EP400: variants seen among roughly 807,000 people sequenced by gnomAD.
EP400 encodes the protein E1A-binding protein p400.
Under a neutral mutation model 354.1 loss-of-function variants are expected in EP400, and 105 were observed. The observed-to-expected ratio is 0.30, with a 90% CI of 0.25 to 0.35. EP400 has a LOEUF of 0.35. EP400 is among the 10% of genes least tolerant of loss of function. The probability of loss-of-function intolerance (pLI) is 1.00; values close to 1 mark genes in which losing one functional copy is unlikely to be tolerated. For synonymous variants in EP400, 1,646 were observed against 1,716.9 expected (o/e 0.96, Z 1.02); for missense variants, 3,280 against 4,121.0 (o/e 0.80, Z 5.59).
chr12:132,021,784 C>A (rs1235368538), intron 23 of EP400, among the ~76,000 whole-genome samples: 3 of 152,168 alleles, frequency 2.0e-5, no homozygotes, highest in African/African-American at 7.2e-5. Flanking sequence ...TCGCCTGTTA[C>A]CAAATTTAAA....
intron 14 of EP400, 119 bp downstream of exon 14, chr12:132,006,421 C>A (rs1296550604): frequency 1.6e-6 from 2 of 1,236,554 alleles, no homozygotes; most frequent in African/African-American, 1.5e-5. Flanking sequence ...GCAGAGTTGT[C>A]AGAAAAAGCA....
chr12:131,966,683 C>T (rs976818716), intron 2 of EP400, among the ~76,000 whole-genome samples: 4 of 150,608 alleles, frequency 2.7e-5, no homozygotes, highest in African/African-American at 9.8e-5. Context: ...GCAGGCAGAT[C>T]ACCTGAGGTC....
At chr12:132,004,851 C>T (rs144774486) in intron 12 of EP400, among the ~76,000 whole-genome samples, 278 of 152,224 alleles carry the variant, frequency 1.8e-3, no homozygotes, top group Middle Eastern at 6.8e-3. Flanking sequence ...ATATTTTACA[C>T]CTTTTATCAG....
chr12:132,024,676 G>GCAGCCTCC (rs1411278527), intron 24 of EP400, among the ~76,000 whole-genome samples: 8 of 148,682 alleles, frequency 5.4e-5, no homozygotes, highest in Admixed American at 3.4e-4. Flanking sequence ...AGCAGCCCCC[G>GCAGCCTCC]CAGCCTCCTT....
chr12:132,037,453 A>G (rs1046481386), intron 30 of EP400, among the ~76,000 whole-genome samples: 2 of 152,214 alleles, frequency 1.3e-5, no homozygotes, highest in African/African-American at 4.8e-5. Flanking sequence ...GAGGTGGCAC[A>G]GCGAAGAGTC....
intron 2 of EP400, among the ~76,000 whole-genome samples, chr12:131,964,580 A>G (rs1258118316): frequency 6.6e-6 from 1 of 152,210 alleles, no homozygotes; most frequent in African/African-American, 2.4e-5. Context: ...TTTTGTTGTT[A>G]CTTTAAATTT....
At chr12:132,044,758 C>T (rs57637965) in intron 36 of EP400, 42 bp from the exon 37 acceptor site, 2 of 1,614,190 alleles carry the variant, frequency 1.2e-6, no homozygotes, top group African/African-American at 1.3e-5. Flanking sequence ...GGGCAGCTTC[C>T]TGTGAGTTCC....
In EP400 at chr12:131,982,235, C is replaced by A. The variant is rs1892705297; in HGVS notation, c.1686C>A (p.Pro562=). 13 of 1,613,950 alleles carry A rather than the reference C, an allele frequency of 8.1e-6. No individual in the cohort carries two copies. Among genetic ancestry groups the A allele is most frequent in the Non-Finnish European group, 1.1e-5 (13 of 1,180,000 alleles). Residue 562 remains proline, a synonymous_variant, in exon 5 of 53, where the codon CCC becomes CCA. Transcript: ENST00000389561. ...TGCCGCAGCTGCCCGGGAGGCTGCC[C>A]CCAGCCGGTGTTCCCACTGCAGCCC... ...TPLPQLPGRL[P]PAGVPTAALS...
intron 51 of EP400, among the ~76,000 whole-genome samples, chr12:132,073,571 A>C (rs1045721715): frequency 2.7e-4 from 40 of 150,342 alleles, no homozygotes; most frequent in African/African-American, 9.7e-4. Flanking sequence ...CTCCTGCCTC[A>C]GCCTCCTGAG....
chr12:131,971,391 A>G (rs1284476575), intron 2 of EP400, among the ~76,000 whole-genome samples: 1 of 152,158 alleles, frequency 6.6e-6, no homozygotes, highest in Non-Finnish European at 1.5e-5. Flanking sequence ...GTTGCTGGGC[A>G]CTTAGGTTGT....
intron 12 of EP400, among the ~76,000 whole-genome samples, chr12:131,999,137 G>A (rs1893321721): frequency 6.6e-6 from 1 of 151,852 alleles, no homozygotes; most frequent in Admixed American, 6.6e-5. Context: ...ATAACTGCAT[G>A]GTTCAAACCT....
chr12:131,991,215 G>A (rs987896873), intron 9 of EP400, among the ~76,000 whole-genome samples, 192 bp from the exon 10 acceptor site: 2 of 152,232 alleles, frequency 1.3e-5, no homozygotes, highest in Admixed American at 6.5e-5. Context: ...AGAGGTGGCT[G>A]CTGCTGAAAG....
intron 2 of EP400, among the ~76,000 whole-genome samples, chr12:131,964,236 G>T (rs1891999408): frequency 6.6e-6 from 1 of 152,138 alleles, no homozygotes; most frequent in African/African-American, 2.4e-5. Flanking sequence ...GGAGACTGAG[G>T]TGCATGGATC....
rs2136540047 is a variant in EP400 at position 132,018,731 on chromosome 12, C to T, written c.4277+355C>T. Reference sequence around the variant, plus strand: ...TGTGGCAGGCAGAGGACTCCACCCCCACGGTGATGTCATTGTCTTAACAAG... The same window carrying T: ...TGTGGCAGGCAGAGGACTCCACCCCTACGGTGATGTCATTGTCTTAACAAG... On this transcript the variant is annotated intron_variant, in intron 21 of 52. Transcript: ENST00000389561. This position sits in a 1 kb window ranked among gnomAD's most constrained non-coding sequence, Gnocchi z 4.0. 6.6e-6 allele frequency among the ~76,000 whole-genome samples: 1 copy of T among 152,280 alleles called. No individual in the cohort carries two copies. The highest frequency in any genetic ancestry group is 1.9e-4 in the East Asian group (1 of 5,188).
Position 132,038,224 on chromosome 12 carries a change from G to A in EP400, c.6207+128G>A. The A allele has an allele frequency of 8.2e-7, 1 of 1,215,524 alleles. No homozygotes were observed. Among genetic ancestry groups the A allele is most frequent in the Non-Finnish European group, 1.1e-6 (1 of 880,540 alleles). The allele number at this position is 1,215,524 out of a possible 1,614,324, so 75.3% of individuals were successfully genotyped here. ...GGCCTGAAGCCCTCTTCCCGTCCCT[G>A]CTTTTGGAACCTCCCCACTCCCTTC... is the stretch of plus-strand genomic sequence containing the variant. On this transcript the variant is annotated intron_variant, in intron 32 of 52. Transcript: ENST00000389561. The surrounding 1 kb of genome is among the most constrained non-coding windows in gnomAD (Gnocchi z 4.2).
At chr12:132,034,331 G>A (rs1466509041) in intron 30 of EP400, among the ~76,000 whole-genome samples, 1 of 152,260 alleles carries the variant, frequency 6.6e-6, no homozygotes, top group Non-Finnish European at 1.5e-5. Context: ...AGGATGGGCT[G>A]TGCCAAGTGT....
At position 132,020,192 on chromosome 12, in the gene EP400, C is replaced by T. The variant is rs201077052; in HGVS notation, c.4421C>T (p.Thr1474Met). The stretch of plus-strand genomic sequence containing the variant: ...CTTCGAGGACGGCCGCCCATCGCCA[C>T]GTTCTCTGCCAATCCGGAGGCAAAA... ...GPLRGRPPIATFSANPEAKAA... is the reference protein window; with the variant it reads ...GPLRGRPPIAMFSANPEAKAA... Residue 1474 changes from threonine (T) to methionine (M), a missense_variant, in exon 22 of 53, where the codon ACG becomes ATG. Thr to Met is a moderately conservative substitution (Grantham distance 81). Coordinates refer to ENST00000389561, the MANE Select transcript of EP400 (RefSeq NM_015409.5). The T allele has an allele frequency of 2.3e-4, 375 of 1,608,982 alleles. 4 individuals carry two copies. The South Asian group carries it at 3.7e-3, about 16-fold the overall frequency.
chr12:132,027,193 T>C lies in EP400; in HGVS notation c.5015-244T>C, dbSNP rs894040296. On this transcript the variant is annotated intron_variant, in intron 25 of 52. Transcript: ENST00000389561. The surrounding 1 kb of genome is among the most constrained non-coding windows in gnomAD (Gnocchi z 4.9). ...AGAAAGGGATAAGCTGCTGGCTCCA[T>C]TCAGCTCCAGTCATGGCCTGCGAGC... is the stretch of plus-strand genomic sequence containing the variant. Among the ~76,000 whole-genome samples the C allele has an allele frequency of 3.9e-5, 6 of 152,206 alleles. No homozygotes were observed. The highest frequency in any genetic ancestry group is 5.9e-5 in the Non-Finnish European group (4 of 68,036).
intron 30 of EP400, among the ~76,000 whole-genome samples, chr12:132,036,375 G>T (rs549476171): frequency 6.8e-6 from 1 of 146,142 alleles, no homozygotes; most frequent in Non-Finnish European, 1.5e-5. Context: ...ATCGTGGAAG[G>T]ACACACCCGG....
Sources: allele counts gnomAD v4.1 joint callset (sites outside exome capture counted in the v4.1 genomes callset), GRCh38; gene constraint gnomAD v4.1.1; non-coding constraint Gnocchi (gnomAD v3.1); transcripts MANE v1.5; gene names NCBI Gene and HGNC (gene_info 2026-07-23, HGNC 2026-07-21).